DEPDC5: variants seen among roughly 807,000 people sequenced by gnomAD.
The protein encoded by DEPDC5 is GATOR1 complex protein DEPDC5.
DEPDC5 carries 73 observed loss-of-function variants against 217.3 expected under a neutral mutation model. The ratio of observed to expected loss-of-function variants is 0.34; its 90% CI spans 0.28 to 0.41. The LOEUF is 0.41. DEPDC5 is among the 10% of genes least tolerant of loss of function. DEPDC5 has a pLI of 1.00. For missense variants in DEPDC5, 1,675 were observed against 2,070.1 expected (o/e 0.81, Z 3.70); for synonymous variants, 733 against 756.7 (o/e 0.97, Z 0.51).
At chr22:31,829,786 G>A (rs2090452207) in intron 24 of DEPDC5, among the ~76,000 whole-genome samples, 1 of 152,116 alleles carries the variant, frequency 6.6e-6, no homozygotes, top group Non-Finnish European at 1.5e-5. Context: ...TTTTCACCCT[G>A]CTGCCCAGCA....
chr22:31,827,095 A>C (rs1019951821), intron 24 of DEPDC5, among the ~76,000 whole-genome samples: 17 of 152,022 alleles, frequency 1.1e-4, no homozygotes, highest in South Asian at 2.1e-4. Context: ...TTGGCTTCTC[A>C]TAGATGGTGT....
At position 31,784,091 on chromosome 22, in the gene DEPDC5, CTT is replaced by C; in HGVS notation, c.562+108_562+109del. On this transcript the variant is annotated intron_variant, in intron 9 of 42. Transcript: ENST00000651528. Reference sequence around the variant, plus strand: ...GTCCCCCACATCATCTTCTAACAAACTTTAAATATCATTGTGAGAATAATCAT... The same window carrying C: ...GTCCCCCACATCATCTTCTAACAAACTAAATATCATTGTGAGAATAATCAT... 4.8e-6 allele frequency: 4 copies of C among 835,552 alleles called. No individual in the cohort carries two copies. In the South Asian group the frequency reaches 7.3e-5, roughly 15 times the overall value. 51.8% of individuals were successfully genotyped at this position (835,552 alleles called of 1,614,324 possible).
At chr22:31,864,487 T>C (rs2092617701) in intron 33 of DEPDC5, among the ~76,000 whole-genome samples, 1 of 140,328 alleles carries the variant, frequency 7.1e-6, no homozygotes, top group South Asian at 2.3e-4. Context: ...CTTCTGAACC[T>C]GTTTCTTCAT....
chr22:31,783,405 C>G (rs965712585), intron 8 of DEPDC5, among the ~76,000 whole-genome samples: 1 of 152,138 alleles, frequency 6.6e-6, no homozygotes, highest in Non-Finnish European at 1.5e-5. Flanking sequence ...CAAGAACCCA[C>G]CTGAAGGAAC....
intron 38 of DEPDC5, among the ~76,000 whole-genome samples, chr22:31,882,198 T>C (rs943189359): frequency 1.3e-5 from 2 of 152,186 alleles, no homozygotes; most frequent in Non-Finnish European, 2.9e-5. Flanking sequence ...ATCAAGTTTA[T>C]TTTTAGTAGC....
chr22:31,875,030 G>T (rs1336154578), intron 36 of DEPDC5, among the ~76,000 whole-genome samples: 1 of 152,210 alleles, frequency 6.6e-6, no homozygotes, highest in Non-Finnish European at 1.5e-5. Context: ...GGAATAACAA[G>T]GAAATGGGAA....
chr22:31,868,447 A>G (rs549867677), intron 33 of DEPDC5, among the ~76,000 whole-genome samples: 2 of 152,180 alleles, frequency 1.3e-5, no homozygotes, highest in South Asian at 4.2e-4. Context: ...TATTTTTTTG[A>G]GACAGGGTCT....
chr22:31,775,627 G>C (rs867111800), intron 7 of DEPDC5, among the ~76,000 whole-genome samples: 7 of 152,092 alleles, frequency 4.6e-5, no homozygotes, highest in Admixed American at 3.3e-4. Flanking sequence ...TTCTCTCCAG[G>C]ATAGCATTTT....
chr22:31,860,107 C>T (rs561317590), intron 32 of DEPDC5, among the ~76,000 whole-genome samples: 3 of 152,228 alleles, frequency 2.0e-5, no homozygotes, highest in Non-Finnish European at 4.4e-5. Context: ...TCCAGGTGAA[C>T]GCTAAAATCC....
chr22:31,815,776 C>A, intron 21 of DEPDC5: 1 of 1,222,122 alleles, frequency 8.2e-7, no homozygotes, highest in Non-Finnish European at 1.0e-6. Context: ...AGGGATCCAC[C>A]CATTGGCCTC....
intron 20 of DEPDC5, among the ~76,000 whole-genome samples, chr22:31,812,717 C>G (rs570713487): frequency 6.8e-6 from 1 of 147,504 alleles, no homozygotes; most frequent in Admixed American, 6.8e-5. Flanking sequence ...AGCCACCGCG[C>G]CCGGCCAATT....
chr22:31,823,426 G>C (rs141676982), intron 24 of DEPDC5, among the ~76,000 whole-genome samples: 5 of 151,940 alleles, frequency 3.3e-5, no homozygotes, highest in Non-Finnish European at 5.9e-5. Context: ...CCAGCTACTG[G>C]GAAGGCTGAA....
chr22:31,897,802 C>G, intron 40 of DEPDC5, 149 bp downstream of exon 40: 1 of 909,650 alleles, frequency 1.1e-6, no homozygotes, highest in South Asian at 1.9e-5. Flanking sequence ...CTAAAGGATC[C>G]TGATTCTTGA....
chr22:31,779,920 A>C (rs771391437), intron 8 of DEPDC5, among the ~76,000 whole-genome samples: 2 of 152,152 alleles, frequency 1.3e-5, no homozygotes, highest in Non-Finnish European at 2.9e-5. Flanking sequence ...CTTCCCACCA[A>C]GTCAACTTCC....
At chr22:31,877,539 CAGG>C (rs1037182645) in intron 37 of DEPDC5, among the ~76,000 whole-genome samples, 1 of 146,262 alleles carries the variant, frequency 6.8e-6, no homozygotes, top group Non-Finnish European at 1.5e-5. Flanking sequence ...ATCACAAGGT[CAGG>C]AGTTGGAGAC....
intron 10 of DEPDC5, among the ~76,000 whole-genome samples, chr22:31,789,993 C>T (rs1176343885): frequency 6.6e-6 from 1 of 152,172 alleles, no homozygotes; most frequent in Non-Finnish European, 1.5e-5. Context: ...CCTCTCACCA[C>T]ATCACTTATG....
chr22:31,790,747 CTTTTTTTTTTTTTTT>C (rs558878199), intron 10 of DEPDC5, among the ~76,000 whole-genome samples: 2 of 128,214 alleles, frequency 1.6e-5, no homozygotes, highest in Admixed American at 7.7e-5. Flanking sequence ...TTTTTTTTTT[CTTTTTTTTTTTTTTT>C]TTGAGACGGA....
chr22:31,865,940 A>T (rs2092676664), intron 33 of DEPDC5, among the ~76,000 whole-genome samples: 1 of 152,160 alleles, frequency 6.6e-6, no homozygotes, highest in Non-Finnish European at 1.5e-5. Context: ...GAGCCCACTT[A>T]GCCCATTTGT....
chr22:31,836,962 C>T lies in DEPDC5; in HGVS notation c.2171-10C>T, dbSNP rs746913609. 47 of 1,546,022 alleles carry T rather than the reference C, an allele frequency of 3.0e-5. No homozygotes were observed. The Middle Eastern group carries it at 2.1e-3, about 70-fold the overall frequency. ...CCACATGTACCTTTTCCCCCTGTTA[C>T]GTGAGGCAGTTCTGACACTGTCTGC... On this transcript the variant is annotated splice_polypyrimidine_tract_variant and intron_variant, in intron 25 of 42. Transcript: ENST00000651528.
Sources: gnomAD v4.1 joint callset for allele counts (sites outside exome capture counted in the v4.1 genomes callset) on GRCh38, gnomAD v4.1.1 for gene constraint, MANE v1.5 for transcripts, NCBI Gene and HGNC (gene_info 2026-07-23, HGNC 2026-07-21) for gene names.